The following ZNF521 variants were observed in gnomAD, a reference collection of about 807,000 sequenced individuals.
ZNF521 encodes zinc finger protein 521.
A neutral mutation model predicts 105.5 loss-of-function variants in ZNF521; 14 were observed. That is an observed-to-expected ratio of 0.13 (90% CI 0.09 to 0.21). The LOEUF (loss-of-function observed/expected upper bound fraction) is 0.21, where lower values mean the gene tolerates loss of function less well. Ranked by LOEUF, ZNF521 falls within the 10% of genes least tolerant of loss-of-function variation. The pLI is 1.00. For synonymous variants in ZNF521, 635 were observed against 606.0 expected (o/e 1.05, Z -0.70); for missense variants, 1,233 against 1,629.7 (o/e 0.76, Z 4.19).
intron 5 of ZNF521, among the ~76,000 whole-genome samples, chr18:25,150,935 C>G (rs551376241): frequency 2.1e-5 from 3 of 144,352 alleles, no homozygotes; most frequent in Non-Finnish European, 4.5e-5. Context: ...GTCACCCAGA[C>G]TGAAGTACAG....
intron 5 of ZNF521, among the ~76,000 whole-genome samples, chr18:25,158,591 G>A (rs2035191811): frequency 1.3e-5 from 2 of 152,096 alleles, no homozygotes; most frequent in East Asian, 1.9e-4. Flanking sequence ...GAGACACTCT[G>A]TAAAACAGTT....
At chr18:25,141,568 T>A (rs954312069) in intron 5 of ZNF521, among the ~76,000 whole-genome samples, 2 of 152,214 alleles carry the variant, frequency 1.3e-5, no homozygotes, top group Non-Finnish European at 2.9e-5. Context: ...CTTACTGCTC[T>A]TTGCCAGAGA....
chr18:25,117,042 CACACAT>C (rs1567968839), intron 5 of ZNF521, among the ~76,000 whole-genome samples: 11 of 97,376 alleles, frequency 1.1e-4, no homozygotes, highest in African/African-American at 3.5e-4. Context: ...TACACACACA[CACACAT>C]ATATATACAC....
At chr18:25,234,934 A>G (rs558205308) in intron 3 of ZNF521, among the ~76,000 whole-genome samples, 1 of 152,284 alleles carries the variant, frequency 6.6e-6, no homozygotes, top group Non-Finnish European at 1.5e-5. Flanking sequence ...ATATGGATTA[A>G]TTTATTAACA....
In ZNF521 at chr18:25,262,373, T is replaced by G. The variant is rs993923913; in HGVS notation, c.221-34676A>C. Reference sequence around the variant, plus strand: ...TACTCCAAAATATCTTTCCTCACAGTGCTTGAATGATTTTTTTCCGTCTTG... The same window carrying G: ...TACTCCAAAATATCTTTCCTCACAGGGCTTGAATGATTTTTTTCCGTCTTG... On this transcript the variant is annotated intron_variant, in intron 3 of 7. Transcript: ENST00000361524. 2.6e-5 allele frequency among the ~76,000 whole-genome samples: 4 copies of G among 152,306 alleles called. No homozygotes were observed. The East Asian group carries it at 7.7e-4, about 29-fold the overall frequency.
At chr18:25,164,489 T>C (rs142151933) in intron 5 of ZNF521, among the ~76,000 whole-genome samples, 74 of 152,348 alleles carry the variant, frequency 4.9e-4, no homozygotes, top group Admixed American at 5.9e-4. Flanking sequence ...GACCACATTT[T>C]TGCACGGAAA....
At chr18:25,282,188 C>G (rs1376774275) in intron 3 of ZNF521, among the ~76,000 whole-genome samples, 1 of 152,132 alleles carries the variant, frequency 6.6e-6, no homozygotes, top group Non-Finnish European at 1.5e-5. Flanking sequence ...ACACAGAGCA[C>G]CTATGAATAT....
chr18:25,349,537 G>A (rs528664941), intron 2 of ZNF521, among the ~76,000 whole-genome samples: 2 of 152,190 alleles, frequency 1.3e-5, no homozygotes, highest in African/African-American at 2.4e-5. Context: ...GGAGAAGAAA[G>A]AAAGGGCTTT....
At chr18:25,173,619 G>C (rs998867612) in intron 5 of ZNF521, among the ~76,000 whole-genome samples, 1 of 152,154 alleles carries the variant, frequency 6.6e-6, no homozygotes, top group African/African-American at 2.4e-5. Flanking sequence ...AAGTGTTTTA[G>C]ATTATCCATG....
intron 2 of ZNF521, among the ~76,000 whole-genome samples, chr18:25,339,287 C>T (rs1914069045): frequency 6.6e-6 from 1 of 152,202 alleles, no homozygotes; most frequent in African/African-American, 2.4e-5. Flanking sequence ...CTCCCTAGAA[C>T]CTGACACATA....
chr18:25,319,550 C>T (rs994726473), intron 3 of ZNF521, among the ~76,000 whole-genome samples: 1 of 150,538 alleles, frequency 6.6e-6, no homozygotes, highest in Non-Finnish European at 1.5e-5. Context: ...GAGCAGAGAT[C>T]ACGCCACTGC....
At chr18:25,216,726 T>C (rs997312484) in intron 4 of ZNF521, among the ~76,000 whole-genome samples, 16 of 152,130 alleles carry the variant, frequency 1.1e-4, no homozygotes, top group African/African-American at 3.9e-4. Flanking sequence ...ACCTGATTAA[T>C]TTTTCATTTC....
chr18:25,246,497 TG>T (rs1568033095), intron 3 of ZNF521, among the ~76,000 whole-genome samples: 1 of 152,194 alleles, frequency 6.6e-6, no homozygotes, highest in Non-Finnish European at 1.5e-5. Context: ...CCAACTAATC[TG>T]TTCACTATAT....
intron 5 of ZNF521, among the ~76,000 whole-genome samples, chr18:25,187,992 C>T (rs987241438): frequency 6.6e-6 from 1 of 152,080 alleles, no homozygotes; most frequent in African/African-American, 2.4e-5. Flanking sequence ...TAATCACAGG[C>T]GGATTAAAGG....
At chr18:25,265,378 A>G (rs1909175926) in intron 3 of ZNF521, among the ~76,000 whole-genome samples, 1 of 152,172 alleles carries the variant, frequency 6.6e-6, no homozygotes, top group Admixed American at 6.5e-5. Flanking sequence ...CAATAAATGA[A>G]GTTATCATAA....
intron 5 of ZNF521, among the ~76,000 whole-genome samples, chr18:25,130,872 G>A (rs1415522208): frequency 1.3e-5 from 2 of 152,104 alleles, no homozygotes; most frequent in African/African-American, 4.8e-5. Context: ...GAGCCCAGCA[G>A]TTTGAGGCTG....
chr18:25,121,088 T>C (rs1210830071), intron 5 of ZNF521, among the ~76,000 whole-genome samples: 8 of 149,684 alleles, frequency 5.3e-5, no homozygotes, highest in Admixed American at 4.7e-4. Flanking sequence ...CCCTAAAAAA[T>C]AGAGTGAAAG....
At position 25,226,018 on chromosome 18, in the gene ZNF521, A is replaced by G. The variant is rs1397178442; in HGVS notation, c.1900T>C (p.Tyr634His). The G allele has an allele frequency of 1.2e-6, 2 of 1,614,228 alleles. No individual in the cohort carries two copies. Among genetic ancestry groups the G allele is most frequent in the South Asian group, 1.1e-5 (1 of 91,084 alleles). The change falls in exon 4 of 8, where the codon TAT becomes CAT. Residue 634 changes from tyrosine to histidine, a missense_variant. This residue lies in a region of ZNF521 where 614 missense variants were observed against 751.5 expected (regional missense o/e 0.82). Coordinates refer to ENST00000361524, the MANE Select transcript of ZNF521 (RefSeq NM_015461.3). This position sits in a 1 kb window ranked among gnomAD's most constrained non-coding sequence, Gnocchi z 4.1. The stretch of plus-strand genomic sequence containing the variant: ...TTAGCACCACATTGATTACAGATAT[A>G]TTCTCCAGTGGGACGTGCAGGTGCA... ...GGAPARPTGE[Y>H]ICNQCGAKYT...
At chr18:25,334,213 T>A (rs956142395) in intron 2 of ZNF521, among the ~76,000 whole-genome samples, 2 of 152,006 alleles carry the variant, frequency 1.3e-5, no homozygotes, top group African/African-American at 2.4e-5. Context: ...CATATTTTTC[T>A]TGGAGAAGTA....
Sources: allele counts gnomAD v4.1 joint callset (sites outside exome capture counted in the v4.1 genomes callset), GRCh38; gene constraint gnomAD v4.1.1; regional missense constraint gnomAD v4.1.1; non-coding constraint Gnocchi (gnomAD v3.1); transcripts MANE v1.5; gene names NCBI Gene and HGNC (gene_info 2026-07-23, HGNC 2026-07-21).